PBX1: variants seen among roughly 807,000 people sequenced by gnomAD.
PBX1 encodes pre-B-cell leukemia transcription factor 1.
PBX1 carries 6 observed loss-of-function variants against 53.4 expected under a neutral mutation model. The observed-to-expected ratio is 0.11, with a 90% CI of 0.06 to 0.22. PBX1 has a LOEUF of 0.22. Ranked by LOEUF, PBX1 falls within the 10% of genes least tolerant of loss-of-function variation. The pLI is 1.00. For synonymous variants in PBX1, 204 were observed against 212.3 expected, an observed-to-expected ratio of 0.96 and a Z score of 0.34; for missense variants, 251 against 551.4, an observed-to-expected ratio of 0.46 and a Z score of 5.46.
intron 8 of PBX1, among the ~76,000 whole-genome samples, chr1:164,840,284 A>G (rs1331855441): frequency 6.6e-6 from 1 of 152,138 alleles, no homozygotes; most frequent in East Asian, 1.9e-4. Context: ...CTGAGAGCAC[A>G]TGTTATTCCC....
intron 2 of PBX1, among the ~76,000 whole-genome samples, chr1:164,733,656 A>G (rs540523665): frequency 2.6e-5 from 4 of 152,330 alleles, no homozygotes; most frequent in South Asian, 4.1e-4. Context: ...AAGTAAGGCT[A>G]TCTTCATATT....
intron 2 of PBX1, among the ~76,000 whole-genome samples, chr1:164,732,038 C>T (rs956509311): frequency 6.6e-6 from 1 of 152,066 alleles, no homozygotes; most frequent in Admixed American, 6.6e-5. Context: ...GGGAGAGGGC[C>T]CGGACAACCT....
At chr1:164,732,921 T>C (rs991132137) in intron 2 of PBX1, among the ~76,000 whole-genome samples, 8 of 152,200 alleles carry the variant, frequency 5.3e-5, no homozygotes, top group African/African-American at 1.9e-4. Context: ...ACTTTGGTCT[T>C]CCTTTGTCTC....
chr1:164,781,494 A>G (rs1667931667), intron 2 of PBX1, among the ~76,000 whole-genome samples: 1 of 152,218 alleles, frequency 6.6e-6, no homozygotes, highest in Non-Finnish European at 1.5e-5. Context: ...GTAATTTGTT[A>G]GAACTTGGTC....
chr1:164,756,963 G>A (rs541564289), intron 2 of PBX1, among the ~76,000 whole-genome samples: 119 of 152,342 alleles, frequency 7.8e-4, no homozygotes, highest in African/African-American at 2.8e-3. Flanking sequence ...GCTCTGTGAT[G>A]CATTGGGAGT....
At chr1:164,611,922 C>T (rs1168193452) in intron 2 of PBX1, among the ~76,000 whole-genome samples, 1 of 152,160 alleles carries the variant, frequency 6.6e-6, no homozygotes, top group Non-Finnish European at 1.5e-5. Context: ...CTCCTTTCTT[C>T]TCCCAGGGCC....
chr1:164,691,144 A>G (rs541820289), intron 2 of PBX1, among the ~76,000 whole-genome samples: 46 of 149,754 alleles, frequency 3.1e-4, no homozygotes, highest in Middle Eastern at 7.1e-3. Flanking sequence ...CCTCTTGAAT[A>G]GCTGGGATTA....
intron 2 of PBX1, among the ~76,000 whole-genome samples, chr1:164,703,499 A>C (rs1663252357): frequency 6.6e-6 from 1 of 152,168 alleles, no homozygotes; most frequent in Non-Finnish European, 1.5e-5. Flanking sequence ...GTGGCATGAC[A>C]GGCCTGGCAG....
intron 2 of PBX1, among the ~76,000 whole-genome samples, chr1:164,638,922 G>A (rs1349156241): frequency 6.6e-6 from 1 of 152,208 alleles, no homozygotes; most frequent in Admixed American, 6.5e-5. Context: ...GAAAAAGGGA[G>A]TGTGCAGACT....
At chr1:164,868,758 A>G (rs569384849) in intron 2 of PBX1, among the ~76,000 whole-genome samples, 5 of 152,314 alleles carry the variant, frequency 3.3e-5, no homozygotes, top group African/African-American at 1.2e-4. Context: ...CGAGCCTGGC[A>G]TCTTCCACCA....
chr1:164,780,092 G>A (rs574147333), intron 2 of PBX1, among the ~76,000 whole-genome samples: 3 of 152,254 alleles, frequency 2.0e-5, no homozygotes, highest in Admixed American at 1.3e-4. Context: ...TCTCCCCACA[G>A]GGGTGGGCGC....
intron 2 of PBX1, among the ~76,000 whole-genome samples, chr1:164,710,057 G>T (rs1663665910): frequency 6.6e-6 from 1 of 152,150 alleles, no homozygotes; most frequent in Non-Finnish European, 1.5e-5. Flanking sequence ...TCATAGACTT[G>T]TTTTGAGAAT....
chr1:164,670,659 A>G (rs1205348299), intron 2 of PBX1, among the ~76,000 whole-genome samples: 1 of 151,642 alleles, frequency 6.6e-6, no homozygotes, highest in East Asian at 1.9e-4. Context: ...AGAGAGAGAA[A>G]GGGGCTTTTA....
chr1:164,579,485 C>T (rs541569020), intron 2 of PBX1, among the ~76,000 whole-genome samples: 1 of 152,250 alleles, frequency 6.6e-6, no homozygotes, highest in South Asian at 2.1e-4. Context: ...CTGCCCAGTC[C>T]TGCTGGTAAG....
chr1:164,755,373 T>G (rs561394820), intron 2 of PBX1, among the ~76,000 whole-genome samples: 1 of 152,282 alleles, frequency 6.6e-6, no homozygotes, highest in South Asian at 2.1e-4. Flanking sequence ...GGTCTTGAAC[T>G]CCTGACCTCA....
At chr1:164,643,536 A>G (rs1343372324) in intron 2 of PBX1, among the ~76,000 whole-genome samples, 1 of 152,152 alleles carries the variant, frequency 6.6e-6, no homozygotes, top group Non-Finnish European at 1.5e-5. Context: ...GTGACCTCCC[A>G]CCATGTGCCA....
At chr1:164,777,795 C>T (rs760662463) in intron 2 of PBX1, among the ~76,000 whole-genome samples, 71 of 152,298 alleles carry the variant, frequency 4.7e-4, no homozygotes, top group Non-Finnish European at 8.7e-4. Flanking sequence ...TCTATACCAA[C>T]GTCAGTTCCC....
At chr1:164,776,326 G>A (rs753217109) in intron 2 of PBX1, among the ~76,000 whole-genome samples, 5 of 152,282 alleles carry the variant, frequency 3.3e-5, no homozygotes, top group Middle Eastern at 3.4e-3. Flanking sequence ...AAAGGGCATG[G>A]CCAGCTAAAG....
intron 2 of PBX1, among the ~76,000 whole-genome samples, chr1:164,662,678 G>GT (rs1169297655): frequency 6.6e-6 from 1 of 152,112 alleles, no homozygotes; most frequent in Non-Finnish European, 1.5e-5. Flanking sequence ...GCACAGCCTG[G>GT]TGGCAGTGAG....
Sources: allele counts gnomAD v4.1 joint callset (sites outside exome capture counted in the v4.1 genomes callset), GRCh38; gene constraint gnomAD v4.1.1; transcripts MANE v1.5; gene names NCBI Gene and HGNC (gene_info 2026-07-23, HGNC 2026-07-21).